Variants in EIPR1 observed in about 807,000 individuals in gnomAD.
EIPR1 encodes EARP complex and GARP complex interacting protein 1.
A neutral mutation model predicts 48.1 loss-of-function variants in EIPR1; 25 were observed. That is an observed-to-expected ratio of 0.52 (90% CI 0.38 to 0.73). The LOEUF is 0.73. Among genes scored for constraint, EIPR1 ranks in the 30% least tolerant of loss-of-function variants. The pLI, the probability that EIPR1 is intolerant of heterozygous loss-of-function variation, is 0.00. For synonymous variants in EIPR1, 204 were observed against 201.9 expected, an observed-to-expected ratio of 1.01 and a Z score of -0.09; for missense variants, 415 against 506.2, an observed-to-expected ratio of 0.82 and a Z score of 1.73.
At chr2:3,255,190 C>T (rs1251718858) in intron 4 of EIPR1, among the ~76,000 whole-genome samples, 1 of 145,194 alleles carries the variant, frequency 6.9e-6, no homozygotes, top group Non-Finnish European at 1.5e-5. Context: ...TTCTTACTTT[C>T]TTTTTTTTTT....
intron 4 of EIPR1, among the ~76,000 whole-genome samples, chr2:3,256,430 C>T (rs1373289650): frequency 2.0e-5 from 3 of 152,262 alleles, no homozygotes; most frequent in Admixed American, 6.5e-5. Context: ...TCTCGGAGGC[C>T]GGGCCCTCTA....
At chr2:3,348,256 G>C (rs1236575030) in intron 2 of EIPR1, among the ~76,000 whole-genome samples, 13 of 152,142 alleles carry the variant, frequency 8.5e-5, no homozygotes. Context: ...TTTCACTGAC[G>C]AGGACCCTGG....
At chr2:3,291,396 A>G (rs1668361180) in intron 3 of EIPR1, among the ~76,000 whole-genome samples, 1 of 152,146 alleles carries the variant, frequency 6.6e-6, no homozygotes, top group Admixed American at 6.5e-5. Flanking sequence ...AGTGTACCCA[A>G]ATCCATATAT....
intron 3 of EIPR1, among the ~76,000 whole-genome samples, chr2:3,332,505 C>A (rs573807297): frequency 6.6e-6 from 1 of 152,204 alleles, no homozygotes; most frequent in Non-Finnish European, 1.5e-5. Context: ...TGTGTGGAGG[C>A]CTGCGTCCTC....
intron 3 of EIPR1, among the ~76,000 whole-genome samples, chr2:3,267,443 C>T (rs552790092): frequency 1.1e-4 from 16 of 152,372 alleles, no homozygotes; most frequent in Admixed American, 2.6e-4. Context: ...GTCGCAGCAG[C>T]GGGTTCTTGG....
chr2:3,286,283 C>T lies in EIPR1; in HGVS notation c.260-28828G>A, dbSNP rs114195178. 0.014 allele frequency among the ~76,000 whole-genome samples: 2,092 copies of T among 152,314 alleles called. 45 individuals carry two copies. Among genetic ancestry groups the T allele is most frequent in the African/African-American group, 0.048 (2,005 of 41,560 alleles). On this transcript the variant is annotated intron_variant, in intron 3 of 8. Coordinates refer to ENST00000382125, the MANE Select transcript of EIPR1 (RefSeq NM_003310.5). This position sits in a 1 kb window ranked among gnomAD's most constrained non-coding sequence, Gnocchi z 4.2. ...AAACCCAGGGTGATTCGACAACTGC[C>T]GTCACCGTGCCTGCCTGTGTATGAC... is the stretch of plus-strand genomic sequence containing the variant.
intron 2 of EIPR1, among the ~76,000 whole-genome samples, chr2:3,343,782 T>C (rs1467593400): frequency 2.6e-5 from 4 of 152,096 alleles, no homozygotes; most frequent in Non-Finnish European, 5.9e-5. Flanking sequence ...AGTACAGAGC[T>C]GTGGGGCCGG....
Position 3,192,531 on chromosome 2 carries a change from C to G in EIPR1, c.872G>C (p.Gly291Ala). ...NHSHDQLVLT[G>A]SSDSRVILSN... ...AAGGATGACTCTGCTGTCACTGCTG[C>G]CCGTGAGGACCAGCTGGTCATGAGA... Residue 291 changes from glycine to alanine, a missense_variant, in exon 8 of 9, where the codon GGC (glycine) becomes GCC (alanine). Physicochemically the swap from Gly to Ala is moderately conservative, Grantham distance 60 (BLOSUM62 0). Transcript: ENST00000382125. The G allele has an allele frequency of 6.2e-7, 1 of 1,613,066 alleles. No homozygotes were observed. Among genetic ancestry groups the G allele is most frequent in the Non-Finnish European group, 8.5e-7 (1 of 1,179,896 alleles).
chr2:3,280,670 G>C (rs1300131600), intron 3 of EIPR1, among the ~76,000 whole-genome samples: 1 of 152,156 alleles, frequency 6.6e-6, no homozygotes, highest in African/African-American at 2.4e-5. Context: ...TTTGTTCAGG[G>C]GAAGCTCTTT....
intron 3 of EIPR1, among the ~76,000 whole-genome samples, chr2:3,297,154 A>T (rs1175521851): frequency 6.6e-6 from 1 of 152,172 alleles, no homozygotes; most frequent in African/African-American, 2.4e-5. Context: ...ACATGCTAGG[A>T]GCTCAGCATG....
intron 1 of EIPR1, among the ~76,000 whole-genome samples, chr2:3,369,299 G>A (rs1051723277): frequency 7.2e-5 from 11 of 152,342 alleles, no homozygotes; most frequent in Non-Finnish European, 1.0e-4. Context: ...AGCTCCCAGC[G>A]TGAGCAACGC....
Position 3,312,133 on chromosome 2 carries a change from G to A in EIPR1, c.259+25884C>T, listed in dbSNP as rs1372283491. Among the ~76,000 whole-genome samples, 4 of 152,074 alleles carry A rather than the reference G, an allele frequency of 2.6e-5. No homozygotes were observed. The highest frequency in any genetic ancestry group is 9.7e-5 in the African/African-American group (4 of 41,392). ...ACTGAAGTGCCTGAAGATGAGTCTCGGGACGCTCCCAAATTTCCTCAAGTT... is the reference window on the plus strand; with the variant it reads ...ACTGAAGTGCCTGAAGATGAGTCTCAGGACGCTCCCAAATTTCCTCAAGTT... On this transcript the variant is annotated intron_variant, in intron 3 of 8. Coordinates refer to ENST00000382125, the MANE Select transcript of EIPR1 (RefSeq NM_003310.5). The surrounding 1 kb of genome is among the most constrained non-coding windows in gnomAD (Gnocchi z 5.5).
At chr2:3,236,478 C>T (rs1437989135) in intron 4 of EIPR1, among the ~76,000 whole-genome samples, 7 of 152,178 alleles carry the variant, frequency 4.6e-5, no homozygotes, top group African/African-American at 1.7e-4. Flanking sequence ...GTGAGCAATG[C>T]CCAAGGACCT....
intron 3 of EIPR1, among the ~76,000 whole-genome samples, chr2:3,332,085 G>A (rs564106964): frequency 6.6e-6 from 1 of 151,860 alleles, no homozygotes; most frequent in South Asian, 2.1e-4. Flanking sequence ...AGGCAGGTGT[G>A]TATACACTCA....
chr2:3,326,424 G>C (rs1400393238), intron 3 of EIPR1, among the ~76,000 whole-genome samples: 1 of 152,104 alleles, frequency 6.6e-6, no homozygotes, highest in Admixed American at 6.5e-5. Flanking sequence ...CTGCAAGACC[G>C]CTGCCTCCCC....
At chr2:3,203,310 A>G (rs1665112729) in intron 5 of EIPR1, among the ~76,000 whole-genome samples, 1 of 152,276 alleles carries the variant, frequency 6.6e-6, no homozygotes, top group South Asian at 2.1e-4. Flanking sequence ...CATGAGGCTT[A>G]GGAACTGCGA....
At chr2:3,262,271 C>G (rs1239289248) in intron 3 of EIPR1, 1 of 152,320 alleles carries the variant, frequency 6.6e-6, no homozygotes, top group Non-Finnish European at 1.5e-5. Context: ...CCTGGGCAGC[C>G]CACAGAACAT....
intron 5 of EIPR1, among the ~76,000 whole-genome samples, chr2:3,204,662 C>T (rs752256335): frequency 2.0e-5 from 3 of 152,200 alleles, no homozygotes; most frequent in Non-Finnish European, 4.4e-5. Flanking sequence ...AGCAAAATGA[C>T]GTGCCTGGCA....
rs140721702 is a variant in EIPR1, at chr2:3,272,725, A to G, written c.260-15270T>C. Among the ~76,000 whole-genome samples, 221 of 152,362 alleles carry G rather than the reference A, an allele frequency of 1.5e-3. 1 individual carries two copies. The highest frequency in any genetic ancestry group is 2.5e-3 in the Non-Finnish European group (168 of 68,036). ...AAAAAATTTGAAATATTGTGAGATT[A>G]TCAAAATGTGCCACAGAGTGGGACG... is the stretch of plus-strand genomic sequence containing the variant. On this transcript the variant is annotated intron_variant, in intron 3 of 8. Transcript: ENST00000382125.
Sources: allele counts gnomAD v4.1 joint callset (sites outside exome capture counted in the v4.1 genomes callset), GRCh38; gene constraint gnomAD v4.1.1; non-coding constraint Gnocchi (gnomAD v3.1); transcripts MANE v1.5; gene names NCBI Gene and HGNC (gene_info 2026-07-23, HGNC 2026-07-21).